Variants in ZNF43 observed in about 807,000 individuals in gnomAD.
The protein encoded by ZNF43 is zinc finger protein 39-like 1 (KOX 27).
A neutral mutation model predicts 68.4 loss-of-function variants in ZNF43; 44 were observed. The ratio of observed to expected loss-of-function variants is 0.64; its 90% confidence interval spans 0.51 to 0.83. The LOEUF is 0.83. Among genes scored for constraint, ZNF43 ranks in the 40% least tolerant of loss-of-function variants. The pLI is 0.00. For synonymous variants in ZNF43, 308 were observed against 307.8 expected, an observed-to-expected ratio of 1.00 and a Z score of -0.01; for missense variants, 896 against 933.2, an observed-to-expected ratio of 0.96 and a Z score of 0.52.
chr19:21,847,921 C>T (rs1435862741), intron 1 of ZNF43, among the ~76,000 whole-genome samples: 1 of 151,944 alleles, frequency 6.6e-6, no homozygotes, highest in Non-Finnish European at 1.5e-5. Flanking sequence ...ACCTCCATGT[C>T]CCGCAATTCT....
intron 1 of ZNF43, 58 bp downstream of exon 1, chr19:21,835,978 G>GGC: frequency 1.2e-6 from 2 of 1,612,164 alleles, no homozygotes; most frequent in Non-Finnish European, 1.7e-6. Context: ...ACTGCGGGAA[G>GGC]GCCTGAGTCA....
At chr19:21,820,177 T>A (rs965109195) in intron 1 of ZNF43, among the ~76,000 whole-genome samples, 1 of 127,108 alleles carries the variant, frequency 7.9e-6, no homozygotes, top group African/African-American at 3.7e-5. Flanking sequence ...CCAGCCTGGG[T>A]CAAAGAGCAA....
chr19:21,842,402 C>T (rs1333260118), intron 1 of ZNF43, among the ~76,000 whole-genome samples: 2 of 117,296 alleles, frequency 1.7e-5, no homozygotes, highest in South Asian at 2.5e-4. Context: ...AGTGAGACTC[C>T]ATCTCAAAAA....
chr19:21,845,137 C>T (rs1370513894), intron 1 of ZNF43, among the ~76,000 whole-genome samples: 1 of 151,456 alleles, frequency 6.6e-6, no homozygotes, highest in African/African-American at 2.4e-5. Context: ...CAGCAAGTTA[C>T]ACCACCTGGG....
Position 21,833,908 on chromosome 19 carries a change from T to C in ZNF43, c.3+2128A>G, listed in dbSNP as rs150158916. Among the ~76,000 whole-genome samples, 464 of 151,894 alleles carry C rather than the reference T, an allele frequency of 3.1e-3. 1 individual carries two copies. The highest frequency in any genetic ancestry group is 0.011 in the African/African-American group (445 of 41,404). On this transcript the variant is annotated intron_variant, in intron 1 of 3. Coordinates refer to ENST00000354959, the MANE Select transcript of ZNF43 (RefSeq NM_003423.4). ...CAGGCGTGGTAGTGCATCCCTGTAGTCCTAGCTACTCGGGAGGCTGAGTCA... is the reference window on the plus strand; with the variant it reads ...CAGGCGTGGTAGTGCATCCCTGTAGCCCTAGCTACTCGGGAGGCTGAGTCA...
chr19:21,840,404 T>TA (rs1170068938), upstream of ZNF43: 2 of 152,280 alleles, frequency 1.3e-5, no homozygotes, highest in African/African-American at 4.8e-5. Context: ...TTCTTAGTAT[T>TA]AGAGTCAACA....
In ZNF43 at chr19:21,805,647, T is replaced by C. The variant is rs2036906781; in HGVS notation, c.*1960A>G. The C allele has an allele frequency of 1.3e-5, 2 of 151,624 alleles. No homozygotes were observed. Among genetic ancestry groups the C allele is most frequent in the South Asian group, 4.2e-4 (2 of 4,806 alleles). 9.4% of individuals were successfully genotyped at this position (151,624 alleles called of 1,614,324 possible). A position where few individuals can be genotyped will look rare whatever the true frequency, so the allele number is the denominator to read the frequency against. ...AAAAAACCAAACAAACAAAAAAAAT[T>C]ATGAATAGCACAAAGAATAAAATAA... is the stretch of plus-strand genomic sequence containing the variant. On this transcript the variant is annotated 3_prime_UTR_variant, in exon 4 of 4. Transcript: ENST00000354959.
chr19:21,835,822 A>G (rs894733730), intron 1 of ZNF43, among the ~76,000 whole-genome samples: 1 of 152,230 alleles, frequency 6.6e-6, no homozygotes, highest in African/African-American at 2.4e-5. Flanking sequence ...AGCTGCCCAC[A>G]GAGGGCTGCA....
rs1264016645 is a variant in ZNF43 at position 21,808,202 on chromosome 19, T to C, written c.1835A>G (p.His612Arg). The C allele has an allele frequency of 4.3e-6, 7 of 1,613,128 alleles. No homozygotes were observed. Among genetic ancestry groups the C allele is most frequent in the Non-Finnish European group, 5.9e-6 (7 of 1,179,666 alleles). The change falls in exon 4 of 4, where the codon CAT (histidine) becomes CGT (arginine). Residue 612 changes from histidine to arginine, a missense_variant. Coordinates refer to ENST00000354959, the MANE Select transcript of ZNF43 (RefSeq NM_003423.4). ...AFTQSSNLTTHKKIHTGGKPY... is the reference protein window; with the variant it reads ...AFTQSSNLTTRKKIHTGGKPY... ...TTTTCCTCCAGTATGAATTTTTTTA[T>C]GTGTAGTAAGGTTTGAAGATTGGGT...
intron 1 of ZNF43, among the ~76,000 whole-genome samples, chr19:21,819,937 A>G (rs917998640): frequency 3.3e-5 from 5 of 152,004 alleles, no homozygotes; most frequent in African/African-American, 4.8e-5. Context: ...GGTGGCTCAC[A>G]CCTGTAATCC....
intron 2 of ZNF43, among the ~76,000 whole-genome samples, chr19:21,818,216 C>T (rs1372810620): frequency 6.6e-6 from 1 of 151,906 alleles, no homozygotes; most frequent in Non-Finnish European, 1.5e-5. Flanking sequence ...AATTCCAATG[C>T]CTCAGTCTCC....
chr19:21,851,792 T>A (rs1318742225), intron 1 of ZNF43: 78 of 1,206,164 alleles, frequency 6.5e-5, no homozygotes, highest in Non-Finnish European at 8.3e-5. Flanking sequence ...CAGAGGGGCC[T>A]GGGGCGGAGC....
intron 1 of ZNF43, chr19:21,851,343 C>CA (rs1879403869): frequency 6.6e-6 from 1 of 151,988 alleles, no homozygotes; most frequent in South Asian, 2.1e-4. Flanking sequence ...GCCTGGCCAA[C>CA]ATGGTGAAAC....
intron 3 of ZNF43, among the ~76,000 whole-genome samples, chr19:21,810,828 T>C (rs987573400): frequency 4.6e-5 from 7 of 152,058 alleles, no homozygotes; most frequent in African/African-American, 1.4e-4. Flanking sequence ...TGCATGTCTG[T>C]ACACCCAGCT....
chr19:21,850,599 GC>G (rs1452021953), intron 1 of ZNF43, among the ~76,000 whole-genome samples: 1 of 152,164 alleles, frequency 6.6e-6, no homozygotes, highest in African/African-American at 2.4e-5. Flanking sequence ...CTGGGCAGGA[GC>G]CTCTTATTGT....
At chr19:21,837,039 CAGAAAAAGTTT>C (rs1967153392), upstream of ZNF43, among the ~76,000 whole-genome samples, 1 of 151,982 alleles carries the variant, frequency 6.6e-6, no homozygotes, top group South Asian at 2.1e-4. Context: ...GTAATGTTAC[CAGAAAAAGTTT>C]AGATCTCCTG....
At chr19:21,846,969 A>G (rs563241775) in intron 1 of ZNF43, among the ~76,000 whole-genome samples, 1 of 152,306 alleles carries the variant, frequency 6.6e-6, no homozygotes, top group South Asian at 2.1e-4. Flanking sequence ...GCAAAACCTA[A>G]AACCAGGGAA....
chr19:21,808,257 A>ACG lies in ZNF43; in HGVS notation c.1779_1780insCG (p.Tyr594ArgfsTer50), dbSNP rs1191343296. 6.2e-7 allele frequency: 1 copy of ACG among 1,613,538 alleles called. No individual in the cohort carries two copies. The highest frequency in any genetic ancestry group is 2.2e-5 in the East Asian group (1 of 44,828). On this transcript the variant is annotated frameshift_variant, in exon 4 of 4. Coordinates refer to ENST00000354959, the MANE Select transcript of ZNF43 (RefSeq NM_003423.4). LOFTEE classifies it high-confidence loss of function. Reference sequence around the variant, plus strand: ...GCTTTGCCACATTCTTCACATTTGTAGAATTTCTCTCCAGTATGAATTTTC... The same window carrying ACG: ...GCTTTGCCACATTCTTCACATTTGTACGGAATTTCTCTCCAGTATGAATTTTC...
rs1364285057 is a variant in ZNF43 at position 21,808,616 on chromosome 19, C to A, written c.1421G>T (p.Arg474Ile). The A allele has an allele frequency of 1.9e-6, 3 of 1,611,338 alleles. No homozygotes were observed. The highest frequency in any genetic ancestry group is 1.7e-5 in the Admixed American group (1 of 59,704). ...GTACGGTTTTTCTGCAGTATGAATT[C>A]TCTTATGTGTAGTAAGGTTTGAGAA... is the stretch of plus-strand genomic sequence containing the variant. ...NQFSNLTTHKRIHTAEKPYKC... is the reference protein window; with the variant it reads ...NQFSNLTTHKIIHTAEKPYKC... The change falls in exon 4 of 4, where the codon AGA becomes ATA. Residue 474 changes from arginine to isoleucine, a missense_variant. Physicochemically the swap from Arg to Ile is moderately conservative, Grantham distance 97. Coordinates refer to ENST00000354959, the MANE Select transcript of ZNF43 (RefSeq NM_003423.4).
Sources: allele counts gnomAD v4.1 joint callset (sites outside exome capture counted in the v4.1 genomes callset), GRCh38; gene constraint gnomAD v4.1.1; transcripts MANE v1.5; gene names NCBI Gene and HGNC (gene_info 2026-07-23, HGNC 2026-07-21).